The following NMNAT2 variants were observed in gnomAD, a reference collection of about 807,000 sequenced individuals.
NMNAT2 encodes the protein nicotinamide/nicotinic acid mononucleotide adenylyltransferase 2.
Under a neutral mutation model 41.6 loss-of-function variants are expected in NMNAT2, and 11 were observed. The ratio of observed to expected loss-of-function variants is 0.26; its 90% CI spans 0.17 to 0.44. The LOEUF (loss-of-function observed/expected upper bound fraction) is 0.44. Ranked by LOEUF, NMNAT2 falls within the 20% of genes least tolerant of loss-of-function variation. The pLI is 1.00. For synonymous variants in NMNAT2, 148 were observed against 151.2 expected, an observed-to-expected ratio of 0.98 and a Z score of 0.16; for missense variants, 288 against 407.7, an observed-to-expected ratio of 0.71 and a Z score of 2.53.
chr1:183,370,206 C>T (rs1663501521), intron 1 of NMNAT2, among the ~76,000 whole-genome samples: 1 of 146,514 alleles, frequency 6.8e-6, no homozygotes, highest in South Asian at 2.2e-4. Flanking sequence ...GTACTTCCTA[C>T]CACTACTATC....
intron 1 of NMNAT2, among the ~76,000 whole-genome samples, chr1:183,390,333 C>G (rs1648443278): frequency 6.6e-6 from 1 of 152,110 alleles, no homozygotes; most frequent in African/African-American, 2.4e-5. Context: ...ACCTTCACAC[C>G]CTAATCTTGT....
At chr1:183,342,757 A>G (rs1351394012) in intron 1 of NMNAT2, among the ~76,000 whole-genome samples, 1 of 151,960 alleles carries the variant, frequency 6.6e-6, no homozygotes, top group Non-Finnish European at 1.5e-5. Flanking sequence ...TTTTTGAGAC[A>G]GGGTCTTGCT....
At chr1:183,261,687 C>G (rs1434548395) in intron 8 of NMNAT2, among the ~76,000 whole-genome samples, 1 of 152,174 alleles carries the variant, frequency 6.6e-6, no homozygotes, top group Non-Finnish European at 1.5e-5. Context: ...ACAGATCCCT[C>G]TGTTCAGCAA....
At chr1:183,319,709 T>C (rs376429331) in intron 1 of NMNAT2, among the ~76,000 whole-genome samples, 2 of 152,314 alleles carry the variant, frequency 1.3e-5, no homozygotes, top group East Asian at 3.9e-4. Flanking sequence ...TTTCCACTAT[T>C]CTATGTGTCC....
At chr1:183,346,328 T>C (rs1662927344) in intron 1 of NMNAT2, among the ~76,000 whole-genome samples, 1 of 152,172 alleles carries the variant, frequency 6.6e-6, no homozygotes. Flanking sequence ...AGCCTCTTGC[T>C]CTTCGATTTC....
intron 7 of NMNAT2, 84 bp downstream of exon 7, chr1:183,283,911 G>A (rs759289833): frequency 3.3e-5 from 44 of 1,347,826 alleles, no homozygotes; most frequent in Non-Finnish European, 4.4e-5. Context: ...GGGTTTTCAA[G>A]CCTCTCTGCT....
At chr1:183,303,591 C>T (rs1377393869) in intron 1 of NMNAT2, among the ~76,000 whole-genome samples, 16 of 152,202 alleles carry the variant, frequency 1.1e-4, no homozygotes. Flanking sequence ...AGTCCCAGAT[C>T]CTTTCGTTCC....
intron 1 of NMNAT2, among the ~76,000 whole-genome samples, chr1:183,304,338 A>T (rs1661942982): frequency 6.6e-6 from 1 of 152,180 alleles, no homozygotes; most frequent in South Asian, 2.1e-4. Flanking sequence ...AGTGGGGTAG[A>T]TAGCATGATA....
chr1:183,412,478 C>A (rs7539602), intron 1 of NMNAT2, among the ~76,000 whole-genome samples: 95,403 of 152,144 alleles, frequency 0.63, 30,692 homozygotes, highest in East Asian at 0.85. Context: ...CTGCCTTGGC[C>A]TCCCAAAGTG....
intron 8 of NMNAT2, among the ~76,000 whole-genome samples, chr1:183,273,364 G>T (rs1233595138): frequency 6.6e-6 from 1 of 152,204 alleles, no homozygotes; most frequent in East Asian, 1.9e-4. Context: ...AAAGTCTGTG[G>T]TCAACAAGTA....
intron 1 of NMNAT2, among the ~76,000 whole-genome samples, chr1:183,344,408 C>A (rs1404350630): frequency 6.6e-6 from 1 of 152,162 alleles, no homozygotes; most frequent in Non-Finnish European, 1.5e-5. Context: ...GTTCTACCGG[C>A]CTTTGTATAT....
rs667690 is a variant in NMNAT2 at position 183,252,211 on chromosome 1, A to G, written c.*430T>C. The G allele has an allele frequency of 0.033, 5,637 of 169,308 alleles. 358 individuals are homozygous for G. Among genetic ancestry groups the G allele is most frequent in the African/African-American group, 0.13 (5,282 of 42,026 alleles). The allele number at this position is 169,308 out of a possible 1,614,324, so 10.5% of individuals were successfully genotyped here. On this transcript the variant is annotated 3_prime_UTR_variant, in exon 11 of 11. Coordinates refer to ENST00000287713, the MANE Select transcript of NMNAT2 (RefSeq NM_015039.4). The stretch of plus-strand genomic sequence containing the variant: ...GTAGTAAAGGGCATGCTGGGAAGGC[A>G]AGAGCCAGAGCCGCCTCCCCAGAGC...
At chr1:183,392,261 G>A (rs536863784) in intron 1 of NMNAT2, among the ~76,000 whole-genome samples, 11 of 152,040 alleles carry the variant, frequency 7.2e-5, no homozygotes, top group Non-Finnish European at 1.5e-4. Context: ...AAGGGTTCAG[G>A]CCAAAAGCCT....
chr1:183,294,125 T>A (rs1490062429), intron 1 of NMNAT2, among the ~76,000 whole-genome samples: 1 of 152,132 alleles, frequency 6.6e-6, no homozygotes. Flanking sequence ...TTTACCCCTA[T>A]TGTCACTTGC....
chr1:183,292,904 C>A, intron 2 of NMNAT2, 47 bp from the exon 3 acceptor site: 1 of 1,583,182 alleles, frequency 6.3e-7, no homozygotes, highest in African/African-American at 1.3e-5. Context: ...CCGTTCCCCA[C>A]AACATCCTTG....
rs1254655725 is a variant in NMNAT2 at position 183,250,369 on chromosome 1, C to G, written c.*2272G>C. 3 of 152,202 alleles carry G rather than the reference C, an allele frequency of 2.0e-5. No homozygotes were observed. Among genetic ancestry groups the G allele is most frequent in the African/African-American group, 7.2e-5 (3 of 41,440 alleles). 9.4% of individuals were successfully genotyped at this position (152,202 alleles called of 1,614,324 possible). ...ATTTCTAAAGGAAACCTAACAGTGG[C>G]CTTCCTTACTATCACACCCTCCCCT... On this transcript the variant is annotated 3_prime_UTR_variant, in exon 11 of 11. Coordinates refer to ENST00000287713, the MANE Select transcript of NMNAT2 (RefSeq NM_015039.4).
chr1:183,284,696 C>A lies in NMNAT2; in HGVS notation c.529+14G>T, dbSNP rs199640626. 2 of 1,604,178 alleles carry A rather than the reference C, an allele frequency of 1.2e-6. No individual in the cohort carries two copies. The highest frequency in any genetic ancestry group is 1.7e-6 in the Non-Finnish European group (2 of 1,170,872). Reference sequence around the variant, plus strand: ...AAGAGACAGGACTGGGAATCAAGTTCCTTGGTTCCTCACCTACAAAGGTGA... The same window carrying A: ...AAGAGACAGGACTGGGAATCAAGTTACTTGGTTCCTCACCTACAAAGGTGA... On this transcript the variant is annotated intron_variant, in intron 6 of 10. Transcript: ENST00000287713.
chr1:183,377,215 G>A (rs1252162419), intron 1 of NMNAT2, among the ~76,000 whole-genome samples: 1 of 151,936 alleles, frequency 6.6e-6, no homozygotes, highest in African/African-American at 2.4e-5. Context: ...TGGAGAAGGG[G>A]TAAGAACACC....
intron 1 of NMNAT2, among the ~76,000 whole-genome samples, chr1:183,296,522 C>CTT (rs10655549): frequency 0.44 from 65,905 of 148,456 alleles, 15,403 homozygotes; most frequent in Non-Finnish European, 0.5. Context: ...GTCACATTTG[C>CTT]TTTTTTTTTT....
Sources: allele counts gnomAD v4.1 joint callset (sites outside exome capture counted in the v4.1 genomes callset), GRCh38; gene constraint gnomAD v4.1.1; transcripts MANE v1.5; gene names NCBI Gene and HGNC (gene_info 2026-07-23, HGNC 2026-07-21).